The following NRP1 variants were observed in gnomAD, a reference collection of about 807,000 sequenced individuals.
NRP1 encodes neuropilin 1, also known as neuropilin-1.
Under a neutral mutation model 106.7 loss-of-function variants are expected in NRP1, and 35 were observed. The observed-to-expected ratio is 0.33, with a 90% CI of 0.25 to 0.43. The LOEUF (loss-of-function observed/expected upper bound fraction) is 0.43, where lower values mean the gene tolerates loss of function less well. NRP1 is among the 20% of genes least tolerant of loss of function. The pLI, the probability that NRP1 is intolerant of heterozygous loss-of-function variation, is 1.00. For synonymous variants in NRP1, 437 were observed against 417.9 expected (o/e 1.05, Z -0.56); for missense variants, 1,024 against 1,170.4 (o/e 0.87, Z 1.83).
At chr10:33,327,255 T>C (rs1476586653) in intron 2 of NRP1, among the ~76,000 whole-genome samples, 1 of 152,176 alleles carries the variant, frequency 6.6e-6, no homozygotes, top group Non-Finnish European at 1.5e-5. Flanking sequence ...AATCACCAAC[T>C]TGTTAAAGAT....
At chr10:33,196,427 A>C (rs554839277) in intron 12 of NRP1, among the ~76,000 whole-genome samples, 1 of 152,308 alleles carries the variant, frequency 6.6e-6, no homozygotes, top group South Asian at 2.1e-4. Flanking sequence ...AGGGCTGAGA[A>C]CTTTCAGGAA....
chr10:33,246,937 G>A (rs1169096589), intron 6 of NRP1, among the ~76,000 whole-genome samples: 4 of 152,114 alleles, frequency 2.6e-5, no homozygotes, highest in African/African-American at 9.7e-5. Context: ...CAAAACCTGT[G>A]AGAAACCAGC....
intron 2 of NRP1, among the ~76,000 whole-genome samples, chr10:33,307,569 C>T (rs1846259205): frequency 2.0e-5 from 3 of 152,154 alleles, no homozygotes; most frequent in African/African-American, 7.2e-5. Flanking sequence ...GAATTATCTT[C>T]TAAAGCAAAT....
intron 7 of NRP1, among the ~76,000 whole-genome samples, chr10:33,223,092 C>G (rs1398185508): frequency 6.6e-6 from 1 of 152,226 alleles, no homozygotes; most frequent in Non-Finnish European, 1.5e-5. Flanking sequence ...CAGCACTATG[C>G]TTCTCAGCAC....
At chr10:33,282,678 C>T (rs1844227469) in intron 2 of NRP1, among the ~76,000 whole-genome samples, 1 of 151,898 alleles carries the variant, frequency 6.6e-6, no homozygotes, top group Non-Finnish European at 1.5e-5. Flanking sequence ...AAAAATGGGT[C>T]TACTGACACC....
At chr10:33,289,359 ACGCC>A in intron 2 of NRP1, among the ~76,000 whole-genome samples, 1 of 152,118 alleles carries the variant, frequency 6.6e-6, no homozygotes, top group South Asian at 2.1e-4. Context: ...TCGTTACCTA[ACGCC>A]TATTAGTGAT....
intron 12 of NRP1, among the ~76,000 whole-genome samples, chr10:33,195,901 G>A (rs734186): frequency 0.49 from 73,993 of 151,838 alleles, 19,549 homozygotes; most frequent in East Asian, 0.75. Context: ...GCGTGGTTTG[G>A]ATTGAACTTG....
At position 33,256,494 on chromosome 10, in the gene NRP1, G is replaced by C. The variant is rs200307254; in HGVS notation, c.659-23C>G. On this transcript the variant is annotated intron_variant, in intron 4 of 16. Coordinates refer to ENST00000374867, the MANE Select transcript of NRP1 (RefSeq NM_003873.7). ...CAACTGGAAAGGGAGGAATACAGAC[G>C]ATGTCAAAATGTCTTTTCTCCTGCA... 2.5e-6 allele frequency: 4 copies of C among 1,608,608 alleles called. No homozygotes were observed. The Admixed American group carries it at 5.0e-5, about 20-fold the overall frequency.
At chr10:33,259,682 T>C (rs1842446229) in intron 4 of NRP1, among the ~76,000 whole-genome samples, 3 of 152,194 alleles carry the variant, frequency 2.0e-5, no homozygotes. Context: ...ATAGTATTTG[T>C]GCTGTTTAAA....
chr10:33,315,066 G>A (rs1846923626), intron 2 of NRP1, among the ~76,000 whole-genome samples: 1 of 152,122 alleles, frequency 6.6e-6, no homozygotes, highest in African/African-American at 2.4e-5. Flanking sequence ...AAGAGTTGTG[G>A]GGATGTCAGA....
At chr10:33,251,797 C>T (rs1036791839) in intron 6 of NRP1, among the ~76,000 whole-genome samples, 1 of 152,118 alleles carries the variant, frequency 6.6e-6, no homozygotes, top group African/African-American at 2.4e-5. Context: ...ACCATTTCTA[C>T]CTTAGTGAGA....
chr10:33,270,128 T>C (rs955774752), intron 3 of NRP1, among the ~76,000 whole-genome samples: 2 of 151,726 alleles, frequency 1.3e-5, no homozygotes, highest in Non-Finnish European at 2.9e-5. Flanking sequence ...ACACTTCAGA[T>C]GGGTACAATT....
intron 11 of NRP1, chr10:33,201,997 A>G (rs964831366): frequency 1.3e-5 from 2 of 152,172 alleles, no homozygotes; most frequent in Non-Finnish European, 2.9e-5. Context: ...AGTTTTGCCC[A>G]TGGAAATTAA....
intron 15 of NRP1, among the ~76,000 whole-genome samples, chr10:33,184,432 C>T (rs1027005216): frequency 1.3e-5 from 2 of 152,164 alleles, no homozygotes; most frequent in African/African-American, 2.4e-5. Context: ...AATTTAATTT[C>T]GTTTCTTTGT....
intron 2 of NRP1, among the ~76,000 whole-genome samples, chr10:33,276,999 G>A (rs898385231): frequency 2.0e-5 from 3 of 151,834 alleles, no homozygotes; most frequent in African/African-American, 7.3e-5. Context: ...CAGCTACTTG[G>A]GATGCTGAGG....
chr10:33,247,226 A>G (rs1841490656), intron 6 of NRP1, among the ~76,000 whole-genome samples: 1 of 152,236 alleles, frequency 6.6e-6, no homozygotes, highest in Admixed American at 6.5e-5. Flanking sequence ...CCCACCTGAA[A>G]TGTGATAAAT....
At chr10:33,212,376 T>A (rs2075144656) in intron 9 of NRP1, 1 of 152,212 alleles carries the variant, frequency 6.6e-6, no homozygotes, top group African/African-American at 2.4e-5. Context: ...CACAATGCTA[T>A]AACACTGATG....
chr10:33,315,471 C>T (rs1846957195), intron 2 of NRP1, among the ~76,000 whole-genome samples: 1 of 152,194 alleles, frequency 6.6e-6, no homozygotes, highest in South Asian at 2.1e-4. Flanking sequence ...CATTGGTTGT[C>T]AATTGGCCAA....
chr10:33,265,270 A>G (rs1353151380), intron 3 of NRP1, among the ~76,000 whole-genome samples: 1 of 152,224 alleles, frequency 6.6e-6, no homozygotes, highest in Non-Finnish European at 1.5e-5. Flanking sequence ...AGAAGTCTTT[A>G]TCCTTTTGAA....
Sources: allele counts gnomAD v4.1 joint callset (sites outside exome capture counted in the v4.1 genomes callset), GRCh38; gene constraint gnomAD v4.1.1; transcripts MANE v1.5; gene names NCBI Gene and HGNC (gene_info 2026-07-23, HGNC 2026-07-21).